CCND3: variants seen among roughly 807,000 people sequenced by gnomAD.
CCND3 encodes the protein cyclin D3.
A neutral mutation model predicts 28.7 loss-of-function variants in CCND3; 9 were observed. The observed-to-expected ratio is 0.31, with a 90% CI of 0.19 to 0.55. The LOEUF (loss-of-function observed/expected upper bound fraction) is 0.55, where lower values mean the gene tolerates loss of function less well. CCND3 is among the 20% of genes least tolerant of loss of function. CCND3 has a pLI of 0.93. For missense variants in CCND3, 315 were observed against 385.8 expected (o/e 0.82, Z 1.54); for synonymous variants, 164 against 163.9 (o/e 1.00, Z 0.00).
At chr6:42,019,133 T>A (rs1763621138) in intron 1 of CCND3, among the ~76,000 whole-genome samples, 1 of 152,106 alleles carries the variant, frequency 6.6e-6, no homozygotes, top group Non-Finnish European at 1.5e-5. Context: ...ATGGTATGGA[T>A]TCAGTTTGTA....
At chr6:42,025,792 G>A (rs1444782183) in intron 1 of CCND3, among the ~76,000 whole-genome samples, 1 of 152,214 alleles carries the variant, frequency 6.6e-6, no homozygotes, top group Non-Finnish European at 1.5e-5. Context: ...AAGGGAACCA[G>A]GGAAAACAAG....
At chr6:41,995,013 A>G (rs1762760125) in intron 1 of CCND3, among the ~76,000 whole-genome samples, 1 of 152,086 alleles carries the variant, frequency 6.6e-6, no homozygotes, top group Admixed American at 6.6e-5. Context: ...CGGAGGTTGC[A>G]GTCAGCCGAG....
chr6:41,959,910 C>G (rs867325840), intron 1 of CCND3, among the ~76,000 whole-genome samples: 3 of 149,150 alleles, frequency 2.0e-5, no homozygotes, highest in African/African-American at 5.0e-5. Context: ...GAGCTGAGAT[C>G]GCGACACTGC....
chr6:41,961,240 G>T (rs982302803), intron 1 of CCND3, among the ~76,000 whole-genome samples: 13 of 152,276 alleles, frequency 8.5e-5, no homozygotes, highest in African/African-American at 3.1e-4. Flanking sequence ...TTGGGAGGCT[G>T]AGGTAGGTGG....
intron 1 of CCND3, among the ~76,000 whole-genome samples, chr6:41,956,808 C>T (rs1046145517): frequency 6.6e-6 from 1 of 151,698 alleles, no homozygotes; most frequent in African/African-American, 2.4e-5. Context: ...GCGGGCGGAT[C>T]ACGAGGTGGG....
intron 1 of CCND3, among the ~76,000 whole-genome samples, chr6:41,992,004 C>T (rs550744916): frequency 6.6e-6 from 1 of 152,200 alleles, no homozygotes; most frequent in Non-Finnish European, 1.5e-5. Flanking sequence ...CTGTTGGACA[C>T]CAAGGTTGAT....
At chr6:42,005,540 CAAAAAAAAAAA>C (rs58659355) in intron 1 of CCND3, among the ~76,000 whole-genome samples, 1 of 62,840 alleles carries the variant, frequency 1.6e-5, no homozygotes, top group Non-Finnish European at 2.9e-5. Flanking sequence ...GACCCTGTCT[CAAAAAAAAAAA>C]AAAAAAAAAA....
intron 1 of CCND3, among the ~76,000 whole-genome samples, chr6:42,013,775 A>G (rs1348243114): frequency 1.3e-5 from 2 of 152,188 alleles, no homozygotes; most frequent in African/African-American, 4.8e-5. Context: ...CAAGCCATTC[A>G]TTCAAGAATG....
chr6:42,006,575 ACTAT>A (rs1355391173), intron 1 of CCND3, among the ~76,000 whole-genome samples: 2 of 152,200 alleles, frequency 1.3e-5, no homozygotes, highest in Admixed American at 6.5e-5. Context: ...AGATGATATG[ACTAT>A]CTACGTGGAA....
chr6:41,973,619 A>G (rs867113711), intron 1 of CCND3, among the ~76,000 whole-genome samples: 12 of 152,190 alleles, frequency 7.9e-5, no homozygotes, highest in African/African-American at 2.9e-4. Context: ...TCCCAGATCC[A>G]CCACCTACCA....
chr6:41,981,889 TACCCAA>T lies in CCND3; in HGVS notation c.-45-41310_-45-41305del, dbSNP rs564546442. 5.0e-4 allele frequency among the ~76,000 whole-genome samples: 76 copies of T among 152,228 alleles called. 3 individuals carry two copies. The South Asian group carries it at 0.013, about 26-fold the overall frequency. Reference sequence around the variant, plus strand: ...AGTAGCACACACCTGTAGTCCCAGCTACCCAAAAGGCTGAGGCAGGAGGATTGCTTG... The same window carrying T: ...AGTAGCACACACCTGTAGTCCCAGCTAAGGCTGAGGCAGGAGGATTGCTTG... On this transcript the variant is annotated intron_variant, in intron 1 of 4. Coordinates refer to the CCND3 transcript ENST00000372988.
At chr6:42,033,091 T>C (rs1764090094) in intron 1 of CCND3, among the ~76,000 whole-genome samples, 1 of 152,076 alleles carries the variant, frequency 6.6e-6, no homozygotes, top group Non-Finnish European at 1.5e-5. Context: ...AACAGCAAAA[T>C]AGAATTTTAA....
upstream of CCND3, among the ~76,000 whole-genome samples, chr6:41,943,636 T>G (rs538891336): frequency 1.1e-4 from 16 of 152,344 alleles, no homozygotes; most frequent in East Asian, 2.5e-3. Context: ...TTTCTAGAAG[T>G]GGAATTTCCC....
chr6:42,005,530 G>C (rs1364583590), intron 1 of CCND3, among the ~76,000 whole-genome samples: 27 of 111,498 alleles, frequency 2.4e-4, no homozygotes, highest in Middle Eastern at 5.4e-3. Context: ...GACAGAGTGA[G>C]ACCCTGTCTC....
intron 1 of CCND3, among the ~76,000 whole-genome samples, chr6:41,968,182 T>C (rs905574925): frequency 2.6e-5 from 4 of 152,088 alleles, no homozygotes; most frequent in African/African-American, 9.7e-5. Context: ...ATTCAATGAA[T>C]CACTGTGCAC....
intron 1 of CCND3, among the ~76,000 whole-genome samples, chr6:42,043,896 A>ACCCAG (rs1764445274): frequency 6.6e-6 from 1 of 152,206 alleles, no homozygotes; most frequent in East Asian, 1.9e-4. Context: ...AATTTCACCC[A>ACCCAG]GGGTGGGAGA....
At chr6:42,008,623 T>C (rs1487246845) in intron 1 of CCND3, among the ~76,000 whole-genome samples, 1 of 152,156 alleles carries the variant, frequency 6.6e-6, no homozygotes, top group Non-Finnish European at 1.5e-5. Flanking sequence ...AAATAAAGAG[T>C]GAAATATTCT....
At chr6:41,942,792 C>T (rs914352614), upstream of CCND3, among the ~76,000 whole-genome samples, 1 of 151,876 alleles carries the variant, frequency 6.6e-6, no homozygotes, top group Non-Finnish European at 1.5e-5. Context: ...GGGAGGAGGC[C>T]ATGAGGATCC....
chr6:41,941,427 G>A lies in CCND3; in HGVS notation c.198+25C>T, dbSNP rs749418010. The stretch of plus-strand genomic sequence containing the variant: ...TGTGTCCAGACCCGGGAGCGGTGGG[G>A]GAGGGGGACGCGTCCGGGCGGTACC... On this transcript the variant is annotated intron_variant, in intron 1 of 4. Transcript: ENST00000372991. This position sits in a 1 kb window ranked among gnomAD's most constrained non-coding sequence, Gnocchi z 6.1. 7.2e-5 allele frequency: 115 copies of A among 1,605,910 alleles called. No individual in the cohort carries two copies. The highest frequency in any genetic ancestry group is 9.6e-5 in the Non-Finnish European group (113 of 1,177,910).
Sources: gnomAD v4.1 joint callset for allele counts (sites outside exome capture counted in the v4.1 genomes callset) on GRCh38, gnomAD v4.1.1 for gene constraint, Gnocchi (gnomAD v3.1) non-coding constraint, MANE v1.5 for transcripts, NCBI Gene and HGNC (gene_info 2026-07-23, HGNC 2026-07-21) for gene names.